The following TRIM10 variants were observed in gnomAD, a reference collection of about 807,000 sequenced individuals.
TRIM10 encodes the protein tripartite motif-containing protein 10.
In TRIM10, 42 loss-of-function variants were observed where a neutral mutation model predicts 40.0. The ratio of observed to expected loss-of-function variants is 1.05; its 90% CI spans 0.82 to 1.36. TRIM10 has a LOEUF of 1.36. Ranked by LOEUF, TRIM10 falls within the 40% of genes most tolerant of loss-of-function variation. The pLI is 0.00. For synonymous variants in TRIM10, 260 were observed against 239.5 expected (o/e 1.09, Z -0.79); for missense variants, 601 against 608.3 (o/e 0.99, Z 0.13).
chr6:30,162,287 A>C (rs892887776), upstream of TRIM10, among the ~76,000 whole-genome samples: 18 of 151,820 alleles, frequency 1.2e-4, no homozygotes, highest in Non-Finnish European at 2.4e-4. Flanking sequence ...AAAAAAAAAA[A>C]AAAGAAAAGA....
At chr6:30,157,193 C>T (rs1772624774) in intron 4 of TRIM10, 139 bp from the exon 5 acceptor site, 1 of 1,134,574 alleles carries the variant, frequency 8.8e-7, no homozygotes, top group African/African-American at 1.6e-5. Context: ...AATCCCACTG[C>T]CCATTTTTGG....
At chr6:30,158,299 T>C in intron 3 of TRIM10, 100 bp downstream of exon 3, 1 of 1,007,918 alleles carries the variant, frequency 9.9e-7, no homozygotes, top group Non-Finnish European at 1.6e-6. Context: ...CCATCTGGGA[T>C]ACAGAGATGT....
chr6:30,160,203 A>G (rs1220238842), intron 1 of TRIM10, among the ~76,000 whole-genome samples: 1 of 152,202 alleles, frequency 6.6e-6, no homozygotes, highest in Non-Finnish European at 1.5e-5. Flanking sequence ...TCATTCAACA[A>G]GTACTTGTTG....
In TRIM10 at chr6:30,153,469, T is replaced by A; in HGVS notation, c.*500A>T. 1 of 563,504 alleles carries A rather than the reference T, an allele frequency of 1.8e-6. No individual in the cohort carries two copies. Among genetic ancestry groups the A allele is most frequent in the South Asian group, 2.4e-5 (1 of 41,026 alleles). The allele number at this position is 563,504 out of a possible 1,614,324, so 34.9% of individuals were successfully genotyped here. Reference sequence around the variant, plus strand: ...GCTCTTTCAGATATAGAGCAGGTTTTTTTTTTCTCTATATTTTCAAGTCAC... The same window carrying A: ...GCTCTTTCAGATATAGAGCAGGTTTATTTTTTCTCTATATTTTCAAGTCAC... On this transcript the variant is annotated 3_prime_UTR_variant, in exon 7 of 7. Coordinates refer to ENST00000449742, the MANE Select transcript of TRIM10 (RefSeq NM_006778.4).
At chr6:30,163,988 T>C (rs1773386844), upstream of TRIM10, 4 of 1,613,010 alleles carry the variant, frequency 2.5e-6, no homozygotes, top group East Asian at 4.5e-5. Flanking sequence ...CGAGTTCCTC[T>C]GTGTGTTCTG....
intron 5 of TRIM10, among the ~76,000 whole-genome samples, chr6:30,156,471 C>T (rs938033176): frequency 6.6e-5 from 10 of 151,954 alleles, no homozygotes; most frequent in Non-Finnish European, 1.0e-4. Context: ...CCCGTAGGAC[C>T]GTCTAACTCT....
upstream of TRIM10, chr6:30,163,580 CAGCCGTT>C: frequency 4.1e-5 from 58 of 1,419,958 alleles, no homozygotes; most frequent in South Asian, 6.9e-5. Context: ...CTTAGCCTTG[CAGCCGTT>C]TCCCTCTGCG....
Position 30,157,361 on chromosome 6 carries a change from T to A in TRIM10, c.779+8A>T. 2 of 1,598,608 alleles carry A rather than the reference T, an allele frequency of 1.3e-6. No homozygotes were observed. The highest frequency in any genetic ancestry group is 1.7e-6 in the Non-Finnish European group (2 of 1,174,648). On this transcript the variant is annotated splice_region_variant and intron_variant, in intron 4 of 6. Coordinates refer to ENST00000449742, the MANE Select transcript of TRIM10 (RefSeq NM_006778.4). Reference sequence around the variant, plus strand: ...GGAAAAAGAAAAGAGAGAAACTATATTGCTTACCTTATTAGAGTGCTTCTG... The same window carrying A: ...GGAAAAAGAAAAGAGAGAAACTATAATGCTTACCTTATTAGAGTGCTTCTG...
In TRIM10 at chr6:30,154,127, G is replaced by A; in HGVS notation, c.1288C>T (p.Gln430Ter). Residue 430 changes from glutamine to a stop codon, truncating the protein, a stop_gained, in exon 7 of 7, where the codon CAG becomes TAG. Coordinates refer to ENST00000449742, the MANE Select transcript of TRIM10 (RefSeq NM_006778.4). LOFTEE classifies it high-confidence loss of function. ...TRLTLKEQPR[Q>*]VRVSLDYEVG... ...TCATAGTCAAGAGACACCCTCACCT[G>A]CCGGGGCTGCTCCTTCAGGGTCAGC... is the stretch of plus-strand genomic sequence containing the variant. 1 of 1,612,972 alleles carries A rather than the reference G, an allele frequency of 6.2e-7. No homozygotes were observed. The highest frequency in any genetic ancestry group is 8.5e-7 in the Non-Finnish European group (1 of 1,179,946).
chr6:30,163,684 G>A, upstream of TRIM10: 1 of 1,600,198 alleles, frequency 6.2e-7, no homozygotes, highest in Non-Finnish European at 8.5e-7. Context: ...AAGGCACCGT[G>A]ATGCCCGCAA....
chr6:30,155,606 C>A lies in TRIM10; in HGVS notation c.928+121G>T, dbSNP rs367654550. Reference sequence around the variant, plus strand: ...TAATATATATGATGTGTATATGTATCCATGGGTGTTTGTTATGACTATTGT... The same window carrying A: ...TAATATATATGATGTGTATATGTATACATGGGTGTTTGTTATGACTATTGT... On this transcript the variant is annotated intron_variant, in intron 6 of 6. Transcript: ENST00000449742. 3.5e-4 allele frequency: 271 copies of A among 773,658 alleles called. 1 individual carries two copies. The highest frequency in any genetic ancestry group is 3.0e-3 in the African/African-American group (168 of 56,626). The allele number at this position is 773,658 out of a possible 1,614,324, so 47.9% of individuals were successfully genotyped here.
At position 30,153,583 on chromosome 6, in the gene TRIM10, G is replaced by A. The variant is rs560166952; in HGVS notation, c.*386C>T. On this transcript the variant is annotated 3_prime_UTR_variant, in exon 7 of 7. Coordinates refer to ENST00000449742, the MANE Select transcript of TRIM10 (RefSeq NM_006778.4). The stretch of plus-strand genomic sequence containing the variant: ...TACATGAACTCTAACATTATTGGAA[G>A]AAAACAAGATGAAAAGAGGTGAGAT... 7.0e-4 allele frequency: 679 copies of A among 973,970 alleles called. 13 individuals carry two copies. In the South Asian group the frequency reaches 9.7e-3, roughly 14 times the overall value. 60.3% of individuals were successfully genotyped at this position (973,970 alleles called of 1,614,324 possible).
intron 5 of TRIM10, 134 bp from the exon 6 acceptor site, chr6:30,155,893 T>G (rs1772486909): frequency 2.6e-6 from 2 of 768,230 alleles, no homozygotes; most frequent in Non-Finnish European, 4.2e-6. Context: ...TCTAGACCAG[T>G]GGTTCCAAGC....
chr6:30,153,876 G>T lies in TRIM10; in HGVS notation c.*93C>A. On this transcript the variant is annotated 3_prime_UTR_variant, in exon 7 of 7. Transcript: ENST00000449742. ...TCTAAAGCAGTCATTTCTATTCCAA[G>T]TCATCCAGGTGATTCAGCCAGGGAT... is the stretch of plus-strand genomic sequence containing the variant. 6.3e-7 allele frequency: 1 copy of T among 1,593,544 alleles called. No homozygotes were observed. Among genetic ancestry groups the T allele is most frequent in the Non-Finnish European group, 8.6e-7 (1 of 1,167,902 alleles).
Position 30,152,113 on chromosome 6 carries a change from G to C in TRIM10, c.*1856C>G, listed in dbSNP as rs9468692. 3 of 151,964 alleles carry C rather than the reference G, an allele frequency of 2.0e-5. No homozygotes were observed. Among genetic ancestry groups the C allele is most frequent in the Non-Finnish European group, 4.4e-5 (3 of 68,004 alleles). 9.4% of individuals were successfully genotyped at this position (151,964 alleles called of 1,614,324 possible). A position where few individuals can be genotyped will look rare whatever the true frequency, so the allele number is the denominator to read the frequency against. On this transcript the variant is annotated 3_prime_UTR_variant, in exon 7 of 7. Coordinates refer to ENST00000449742, the MANE Select transcript of TRIM10 (RefSeq NM_006778.4). Reference sequence around the variant, plus strand: ...GGGTGTAGCCAGCATTAAAATAATCGCCAGGACCCATGCAGGCATCTATCT... The same window carrying C: ...GGGTGTAGCCAGCATTAAAATAATCCCCAGGACCCATGCAGGCATCTATCT...
chr6:30,160,647 GGCCGGAA>G lies in TRIM10; in HGVS notation c.205_211del (p.Phe69ProfsTer83). 6.2e-7 allele frequency: 1 copy of G among 1,614,228 alleles called. No individual in the cohort carries two copies. Among genetic ancestry groups the G allele is most frequent in the Non-Finnish European group, 8.5e-7 (1 of 1,180,036 alleles). ...CACCACGTTAGCCAGCTGCCAGTTG[GGCCGGAA>G]GCTCCCAGGACGGAAGGGTTCTTTG... On this transcript the variant is annotated frameshift_variant, in exon 1 of 7. Transcript: ENST00000449742. LOFTEE classifies it high-confidence loss of function.
intron 1 of TRIM10, among the ~76,000 whole-genome samples, chr6:30,160,129 A>C (rs1195170447): frequency 6.6e-6 from 1 of 152,146 alleles, no homozygotes; most frequent in Non-Finnish European, 1.5e-5. Context: ...CATTCCCTCA[A>C]ATGCAAACTT....
chr6:30,155,414 C>T (rs958198750), intron 6 of TRIM10, among the ~76,000 whole-genome samples: 2 of 152,132 alleles, frequency 1.3e-5, no homozygotes, highest in Admixed American at 6.5e-5. Flanking sequence ...TCTATCTACT[C>T]GACATGCGCA....
At chr6:30,160,351 G>T (rs1206711684) in intron 1 of TRIM10, 79 bp downstream of exon 1, 5 of 1,498,038 alleles carry the variant, frequency 3.3e-6, no homozygotes, top group East Asian at 2.3e-5. Context: ...CCTCCGGGTG[G>T]CCTAAATAAT....
Sources: allele counts gnomAD v4.1 joint callset (sites outside exome capture counted in the v4.1 genomes callset), GRCh38; gene constraint gnomAD v4.1.1; transcripts MANE v1.5; gene names NCBI Gene and HGNC (gene_info 2026-07-23, HGNC 2026-07-21).